KCNIP1: variants seen among roughly 807,000 people sequenced by gnomAD.
The protein encoded by KCNIP1 is A-type potassium channel modulatory protein KCNIP1.
In KCNIP1, 18 loss-of-function variants were observed where a neutral mutation model predicts 33.0. That is an observed-to-expected ratio of 0.55 (90% CI 0.38 to 0.81). The LOEUF is 0.81. KCNIP1 is among the 30% of genes least tolerant of loss of function. The pLI, the probability that KCNIP1 is intolerant of heterozygous loss-of-function variation, is 0.00. For synonymous variants in KCNIP1, 93 were observed against 98.3 expected, an observed-to-expected ratio of 0.95 and a Z score of 0.32; for missense variants, 238 against 271.6, an observed-to-expected ratio of 0.88 and a Z score of 0.87.
intron 1 of KCNIP1, among the ~76,000 whole-genome samples, chr5:170,439,654 A>G (rs1755944257): frequency 6.6e-6 from 1 of 152,222 alleles, no homozygotes; most frequent in African/African-American, 2.4e-5. Context: ...GGGGCGCGCT[A>G]GCCTGAGGAA....
chr5:170,406,031 C>G (rs188988900), intron 1 of KCNIP1, among the ~76,000 whole-genome samples: 32 of 152,374 alleles, frequency 2.1e-4, no homozygotes, highest in African/African-American at 7.0e-4. Flanking sequence ...TCCACTTCCT[C>G]AAAACTTATC....
intron 1 of KCNIP1, among the ~76,000 whole-genome samples, chr5:170,475,916 A>G (rs1372978988): frequency 1.3e-5 from 2 of 151,978 alleles, no homozygotes; most frequent in African/African-American, 4.8e-5. Context: ...CAAGTGGCCC[A>G]TGCTTTTTCT....
intron 1 of KCNIP1, among the ~76,000 whole-genome samples, chr5:170,699,298 T>C (rs905815): frequency 0.64 from 96,698 of 151,868 alleles, 31,916 homozygotes; most frequent in East Asian, 0.94. Context: ...GATGGGTACA[T>C]GATAGATATT....
At chr5:170,463,244 T>C (rs1002738615) in intron 1 of KCNIP1, among the ~76,000 whole-genome samples, 2 of 152,190 alleles carry the variant, frequency 1.3e-5, no homozygotes, top group African/African-American at 2.4e-5. Flanking sequence ...TTATACAGAA[T>C]ATTTAAATTA....
At chr5:170,463,034 T>A (rs1406369963) in intron 1 of KCNIP1, among the ~76,000 whole-genome samples, 1 of 151,968 alleles carries the variant, frequency 6.6e-6, no homozygotes, top group Non-Finnish European at 1.5e-5. Context: ...ACTGCTCGGG[T>A]GATGGGTGCA....
chr5:170,532,217 G>A (rs932636842), intron 1 of KCNIP1, among the ~76,000 whole-genome samples: 1 of 152,186 alleles, frequency 6.6e-6, no homozygotes, highest in Non-Finnish European at 1.5e-5. Context: ...TACAAGAAAG[G>A]TTGCTTTCTT....
At chr5:170,404,738 C>T (rs1377213493) in intron 1 of KCNIP1, among the ~76,000 whole-genome samples, 1 of 152,178 alleles carries the variant, frequency 6.6e-6, no homozygotes, top group East Asian at 1.9e-4. Context: ...CTAGCCCAGA[C>T]TCAGTGGGGT....
At chr5:170,591,092 G>A (rs746560294) in intron 1 of KCNIP1, among the ~76,000 whole-genome samples, 19 of 152,248 alleles carry the variant, frequency 1.2e-4, no homozygotes, top group Non-Finnish European at 1.2e-4. Context: ...TCTACTATGT[G>A]CAGAGATGTC....
rs1761618281 is a variant in KCNIP1 at position 170,664,312 on chromosome 5, G to T, written c.62-54446G>T. On this transcript the variant is annotated intron_variant, in intron 1 of 7. Coordinates refer to ENST00000328939, the MANE Select transcript of KCNIP1 (RefSeq NM_014592.4). ...CTTAGATGTCACTTCTCCTAGGAAG[G>T]CTTTCCTAACCTCCAAAACAGGCTC... 3.9e-5 allele frequency among the ~76,000 whole-genome samples: 6 copies of T among 152,116 alleles called. 1 individual carries two copies.
At position 170,574,196 on chromosome 5, in the gene KCNIP1, A is replaced by T. The variant is rs115511618; in HGVS notation, c.61+69563A>T. Among the ~76,000 whole-genome samples the T allele has an allele frequency of 9.3e-3, 1,422 of 152,366 alleles. 25 individuals are homozygous for T. The highest frequency in any genetic ancestry group is 0.031 in the African/African-American group (1,305 of 41,570). ...ACAGGTTCTTTGATATTGCAACTTT[A>T]TTAAGTGAAAAGACATATAAAGAAA... On this transcript the variant is annotated intron_variant, in intron 1 of 7. Coordinates refer to ENST00000328939, the MANE Select transcript of KCNIP1 (RefSeq NM_014592.4).
chr5:170,616,396 C>G (rs940640623), intron 1 of KCNIP1, among the ~76,000 whole-genome samples: 1 of 152,182 alleles, frequency 6.6e-6, no homozygotes, highest in Non-Finnish European at 1.5e-5. Context: ...TTCACATCAT[C>G]GTAGTTAAGG....
chr5:170,491,454 C>T (rs1041948811), intron 1 of KCNIP1, among the ~76,000 whole-genome samples: 1 of 152,198 alleles, frequency 6.6e-6, no homozygotes, highest in African/African-American at 2.4e-5. Flanking sequence ...TCTCCCACCC[C>T]TCTAACAGGA....
intron 1 of KCNIP1, among the ~76,000 whole-genome samples, chr5:170,640,024 T>C (rs942417825): frequency 6.6e-6 from 1 of 152,194 alleles, no homozygotes; most frequent in African/African-American, 2.4e-5. Context: ...ATGGCCCAAG[T>C]GGAACCATGG....
chr5:170,498,408 T>C (rs1757350918), intron 1 of KCNIP1, among the ~76,000 whole-genome samples: 1 of 152,186 alleles, frequency 6.6e-6, no homozygotes, highest in African/African-American at 2.4e-5. Flanking sequence ...CTGAAACTCA[T>C]ATCTACTTCC....
chr5:170,647,861 A>T, intron 1 of KCNIP1, among the ~76,000 whole-genome samples: 1 of 152,158 alleles, frequency 6.6e-6, no homozygotes, highest in East Asian at 1.9e-4. Flanking sequence ...GGGAAAAAAT[A>T]TTTGAAAAAA....
exon 1 of KCNIP1, chr5:170,353,903 G>T (rs1280930355): frequency 3.7e-6 from 6 of 1,614,228 alleles, no homozygotes; most frequent in Non-Finnish European, 5.1e-6. Flanking sequence ...AAAGATGCAA[G>T]CTTGGGTTCG....
At chr5:170,569,590 T>C (rs12652223) in intron 1 of KCNIP1, among the ~76,000 whole-genome samples, 55,228 of 151,934 alleles carry the variant, frequency 0.36, 10,751 homozygotes, top group Admixed American at 0.45. Flanking sequence ...GAAAAAGAGG[T>C]AGAACAAGCT....
chr5:170,634,319 G>A (rs1157209024), intron 1 of KCNIP1, among the ~76,000 whole-genome samples: 2 of 152,198 alleles, frequency 1.3e-5, no homozygotes, highest in Non-Finnish European at 2.9e-5. Context: ...GTCCCCTGGA[G>A]AGCTTGTTAA....
intron 1 of KCNIP1, among the ~76,000 whole-genome samples, chr5:170,386,633 C>T (rs1764484896): frequency 6.6e-6 from 1 of 151,442 alleles, no homozygotes; most frequent in Admixed American, 6.6e-5. Flanking sequence ...AGGAGGGCCC[C>T]AGAAGGCAGC....
Sources: gnomAD v4.1 joint callset for allele counts (sites outside exome capture counted in the v4.1 genomes callset) on GRCh38, gnomAD v4.1.1 for gene constraint, MANE v1.5 for transcripts, NCBI Gene and HGNC (gene_info 2026-07-23, HGNC 2026-07-21) for gene names.